Variants in RANBP1 observed in about 807,000 individuals in gnomAD.
RANBP1 encodes ran-specific GTPase-activating protein.
Under a neutral mutation model 31.4 loss-of-function variants are expected in RANBP1, and 16 were observed. The observed-to-expected ratio is 0.51, with a 90% confidence interval of 0.34 to 0.77. RANBP1 has a LOEUF of 0.77. Ranked by LOEUF, RANBP1 falls within the 30% of genes least tolerant of loss-of-function variation. RANBP1 has a pLI of 0.01. For synonymous variants in RANBP1, 129 were observed against 140.5 expected, an observed-to-expected ratio of 0.92 and a Z score of 0.58; for missense variants, 265 against 362.0, an observed-to-expected ratio of 0.73 and a Z score of 2.17.
At chr22:20,126,541 C>A in intron 5 of RANBP1, 173 bp downstream of exon 5, 1 of 1,573,068 alleles carries the variant, frequency 6.4e-7, no homozygotes, top group Non-Finnish European at 8.6e-7. Context: ...CCTGGGGAGC[C>A]CTGAGCACTT....
chr22:20,119,693 T>C (rs2050133992), intron 2 of RANBP1, among the ~76,000 whole-genome samples: 1 of 152,166 alleles, frequency 6.6e-6, no homozygotes, highest in African/African-American at 2.4e-5. Flanking sequence ...TTTTTTGTAT[T>C]TTTAGTAGAG....
At position 20,117,748 on chromosome 22, in the gene RANBP1, G is replaced by T. The variant is rs1424690597; in HGVS notation, c.247-1265G>T. 9 of 1,081,986 alleles carry T rather than the reference G, an allele frequency of 8.3e-6. No individual in the cohort carries two copies. The African/African-American group carries it at 8.4e-5, about 10-fold the overall frequency. The allele number at this position is 1,081,986 out of a possible 1,614,324, so 67.0% of individuals were successfully genotyped here. ...GGCCACGTGGGCGGCCCGCGCCGCC[G>T]CCACCAACCTCCGCCGGCCTGCAGG... On this transcript the variant is annotated intron_variant, in intron 1 of 5. Coordinates refer to ENST00000430524, the MANE Select transcript of RANBP1 (RefSeq NM_001278639.2).
chr22:20,123,470 A>G (rs1357431416), intron 3 of RANBP1, among the ~76,000 whole-genome samples: 1 of 15,094 alleles, frequency 6.6e-5, no homozygotes, highest in East Asian at 1.9e-3. Context: ...TTGGTGTCTG[A>G]GGGGGTGCGG....
chr22:20,122,464 G>A (rs902580133), intron 3 of RANBP1, 43 bp downstream of exon 3: 16 of 1,610,872 alleles, frequency 9.9e-6, no homozygotes, highest in Middle Eastern at 1.6e-4. Context: ...CCAGCAGCTT[G>A]GCCTGGGACC....
intron 1 of RANBP1, 144 bp from the exon 2 acceptor site, chr22:20,118,869 C>T (rs1485798335): frequency 1.3e-6 from 1 of 760,132 alleles, no homozygotes; most frequent in Non-Finnish European, 2.1e-6. Context: ...AAGAGTGGGC[C>T]TAATTTCTTG....
intron 1 of RANBP1, chr22:20,117,837 C>T (rs1602529721): frequency 9.8e-7 from 1 of 1,019,816 alleles, no homozygotes; most frequent in Non-Finnish European, 1.2e-6. Context: ...GGGCTCGAGG[C>T]CTGCGGAGTT....
At chr22:20,118,276 G>C (rs2147973637) in intron 1 of RANBP1, 1 of 1,002,484 alleles carries the variant, frequency 1.0e-6, no homozygotes, top group South Asian at 4.7e-5. Context: ...GTCTAGTGGT[G>C]AAGTCTTGGG....
At chr22:20,126,208 T>C in intron 4 of RANBP1, 95 bp from the exon 5 acceptor site, 2 of 1,404,858 alleles carry the variant, frequency 1.4e-6, no homozygotes, top group Non-Finnish European at 1.9e-6. Flanking sequence ...TACCATGAAA[T>C]GGGTCTTCTG....
rs1012720926 is a variant in RANBP1, at chr22:20,127,126, C to T, written c.*74C>T. ...AAAATTTTACCCTGCCCCTCTTTTT[C>T]GGTTTGTTTTTATTCTTTCATTTTT... On this transcript the variant is annotated 3_prime_UTR_variant, in exon 6 of 6. Transcript: ENST00000430524. The T allele has an allele frequency of 3.6e-5, 45 of 1,263,928 alleles. No homozygotes were observed. Among genetic ancestry groups the T allele is most frequent in the African/African-American group, 3.1e-4 (20 of 65,048 alleles). The allele number at this position is 1,263,928 out of a possible 1,614,324, so 78.3% of individuals were successfully genotyped here.
intron 5 of RANBP1, 27 bp downstream of exon 5, chr22:20,126,395 C>T: frequency 6.2e-7 from 1 of 1,613,870 alleles, no homozygotes; most frequent in Non-Finnish European, 8.5e-7. Context: ...GGTTGGGGGG[C>T]TTCTTTGCAG....
In RANBP1 at chr22:20,116,256, G is replaced by A. The variant is rs1282527472; in HGVS notation, c.72G>A (p.Thr24=). The A allele has an allele frequency of 1.9e-6, 3 of 1,612,822 alleles. No individual in the cohort carries two copies. Among genetic ancestry groups the A allele is most frequent in the African/African-American group, 1.3e-5 (1 of 74,958 alleles). The change falls in exon 1 of 6, where the codon ACG becomes ACA. Residue 24 remains threonine (T), a synonymous_variant. Transcript: ENST00000430524. ...GRPFQRAPCK[T]RRALSLSAAL... The stretch of plus-strand genomic sequence containing the variant: ...CTTTCCAGAGGGCACCATGCAAAAC[G>A]CGCAGGGCCTTGTCCCTCTCTGCAG...
At chr22:20,126,408 T>A (rs1180704378) in intron 5 of RANBP1, 40 bp downstream of exon 5, 13 of 1,613,494 alleles carry the variant, frequency 8.1e-6, no homozygotes, top group Non-Finnish European at 9.3e-6. Context: ...CTTTGCAGAC[T>A]CACTCTGCAT....
chr22:20,127,080 TCTTTC>T lies in RANBP1; in HGVS notation c.*38_*42del, dbSNP rs757616541. On this transcript the variant is annotated 3_prime_UTR_variant, in exon 6 of 6. Transcript: ENST00000430524. ...CGTCTTATTTTATTTTCTTTTCCTC[TCTTTC>T]CTTTCCTTTTTTTAAAAAATTTTAC... is the stretch of plus-strand genomic sequence containing the variant. 66 of 1,564,982 alleles carry T rather than the reference TCTTTC, an allele frequency of 4.2e-5. No homozygotes were observed. The highest frequency in any genetic ancestry group is 1.4e-4 in the Admixed American group (7 of 49,242).
At chr22:20,118,953 G>T (rs201096005) in intron 1 of RANBP1, 60 bp from the exon 2 acceptor site, 26 of 1,562,540 alleles carry the variant, frequency 1.7e-5, no homozygotes, top group Non-Finnish European at 2.3e-5. Flanking sequence ...GGCACTGGTT[G>T]GGCTCTGGTT....
chr22:20,120,187 G>A (rs1040935205), intron 2 of RANBP1, among the ~76,000 whole-genome samples: 3 of 152,212 alleles, frequency 2.0e-5, no homozygotes, highest in African/African-American at 7.2e-5. Flanking sequence ...TTCCTACTGT[G>A]AGTTTCCTAT....
intron 1 of RANBP1, chr22:20,117,970 C>T: frequency 1.0e-6 from 1 of 1,002,874 alleles, no homozygotes; most frequent in African/African-American, 1.7e-5. Flanking sequence ...GGAACTGGTG[C>T]GGGCGGCGGG....
Position 20,117,238 on chromosome 22 carries a change from C to T in RANBP1, c.246+808C>T, listed in dbSNP as rs1313746536. On this transcript the variant is annotated intron_variant, in intron 1 of 5. Coordinates refer to ENST00000430524, the MANE Select transcript of RANBP1 (RefSeq NM_001278639.2). ...CCGAGCGTCTCTATGATCCTGGCTT[C>T]TGGCAACGTCATCGTCACGCGCCGG... The T allele has an allele frequency of 1.1e-5, 6 of 534,744 alleles. No homozygotes were observed. The East Asian group carries it at 2.3e-4, about 21-fold the overall frequency. The allele number at this position is 534,744 out of a possible 1,614,324, so 33.1% of individuals were successfully genotyped here.
At position 20,127,194 on chromosome 22, in the gene RANBP1, G is replaced by GTTT; in HGVS notation, c.*152_*154dup. 22 of 446,638 alleles carry GTTT rather than the reference G, an allele frequency of 4.9e-5. No individual in the cohort carries two copies. The highest frequency in any genetic ancestry group is 1.5e-4 in the East Asian group (3 of 19,926). 27.7% of individuals were successfully genotyped at this position (446,638 alleles called of 1,614,324 possible). ...AAGAACTGAACTCAACATTCAGGTT[G>GTTT]TTTTTTTTTTTTGTTTCTAAGTTTT... On this transcript the variant is annotated 3_prime_UTR_variant, in exon 6 of 6. Transcript: ENST00000430524.
At chr22:20,125,515 C>A in intron 4 of RANBP1, 79 bp downstream of exon 4, 1 of 1,548,650 alleles carries the variant, frequency 6.5e-7, no homozygotes, top group East Asian at 2.4e-5. Context: ...GCAACAAATG[C>A]TGTTGCCTTT....
Sources: gnomAD v4.1 joint callset for allele counts (sites outside exome capture counted in the v4.1 genomes callset) on GRCh38, gnomAD v4.1.1 for gene constraint, MANE v1.5 for transcripts, NCBI Gene and HGNC (gene_info 2026-07-23, HGNC 2026-07-21) for gene names.